The following BCL6 variants were observed in gnomAD, a reference collection of about 807,000 sequenced individuals.
BCL6 encodes B-cell lymphoma 6 protein.
Under a neutral mutation model 59.5 loss-of-function variants are expected in BCL6, and 7 were observed. That is an observed-to-expected ratio of 0.12 (90% CI 0.07 to 0.22). The LOEUF is 0.22. BCL6 is among the 10% of genes least tolerant of loss of function. The pLI, the probability that BCL6 is intolerant of heterozygous loss-of-function variation, is 1.00. For missense variants in BCL6, 685 were observed against 939.4 expected (o/e 0.73, Z 3.54); for synonymous variants, 339 against 349.7 (o/e 0.97, Z 0.34).
At chr3:187,733,494 C>A in intron 3 of BCL6, 39 bp downstream of exon 3, 1 of 1,604,088 alleles carries the variant, frequency 6.2e-7, no homozygotes, top group Non-Finnish European at 8.5e-7. Context: ...ACCATCACCC[C>A]ACTTTGACTT....
At chr3:187,730,215 A>T (rs769261699) in intron 4 of BCL6, among the ~76,000 whole-genome samples, 194 bp from the exon 5 acceptor site, 1 of 152,236 alleles carries the variant, frequency 6.6e-6, no homozygotes, top group Non-Finnish European at 1.5e-5. Context: ...AATTGGGAAG[A>T]CTGAGTCCCA....
At chr3:187,731,974 C>G (rs1337559827) in intron 3 of BCL6, 44 bp from the exon 4 acceptor site, 3 of 1,530,110 alleles carry the variant, frequency 2.0e-6, no homozygotes, top group Admixed American at 1.7e-5. Context: ...CATATCGAAT[C>G]TGTGATCCCT....
intron 5 of BCL6, among the ~76,000 whole-genome samples, chr3:187,728,773 A>T (rs1240453216): frequency 1.3e-5 from 2 of 152,168 alleles, no homozygotes; most frequent in Non-Finnish European, 2.9e-5. Context: ...TCTCAGTCCA[A>T]GGGTAGTAGG....
intron 6 of BCL6, 55 bp from the exon 7 acceptor site, chr3:187,726,953 C>T (rs970948875): frequency 1.3e-6 from 2 of 1,585,944 alleles, no homozygotes; most frequent in East Asian, 2.2e-5. Context: ...GGAGGTAGGG[C>T]TCTAAGGCCG....
At chr3:187,733,399 A>T in intron 3 of BCL6, 134 bp downstream of exon 3, 1 of 1,040,996 alleles carries the variant, frequency 9.6e-7, no homozygotes, top group Non-Finnish European at 1.4e-6. Flanking sequence ...GTGCCACGCC[A>T]TGGTGCTGAG....
chr3:187,737,370 A>AGAGAGAGAGAGAGAGAGG (rs1719333348), intron 1 of BCL6: 2 of 145,778 alleles, frequency 1.4e-5, no homozygotes, highest in South Asian at 4.3e-4. Context: ...AGAGAGAGAG[A>AGAGAGAGAGAGAGAGAGG]GAGAGAGAGA....
rs915217248 is a variant in BCL6 at position 187,721,885 on chromosome 3, C to A, written c.*573G>T. On this transcript the variant is annotated 3_prime_UTR_variant, in exon 10 of 10. Transcript: ENST00000406870. The surrounding 1 kb of genome is among the most constrained non-coding windows in gnomAD (Gnocchi z 4.2). The stretch of plus-strand genomic sequence containing the variant: ...AGATTCTCAGATCCGTGTCTGCCTG[C>A]AGATACAAAATCGAGCCTTTAACGC... 4.7e-6 allele frequency: 1 copy of A among 213,552 alleles called. No individual in the cohort carries two copies. Among genetic ancestry groups the A allele is most frequent in the Non-Finnish European group, 9.4e-6 (1 of 106,096 alleles). 13.2% of individuals were successfully genotyped at this position (213,552 alleles called of 1,614,324 possible).
At chr3:187,739,788 C>T (rs1218651539) in intron 1 of BCL6, among the ~76,000 whole-genome samples, 1 of 152,064 alleles carries the variant, frequency 6.6e-6, no homozygotes, top group African/African-American at 2.4e-5. Context: ...TCAGCCTTTG[C>T]AAAAAGGCTG....
At chr3:187,743,355 G>A (rs935793753) in intron 1 of BCL6, among the ~76,000 whole-genome samples, 1 of 151,866 alleles carries the variant, frequency 6.6e-6, no homozygotes, top group Non-Finnish European at 1.5e-5. Context: ...CGGGGAGGGG[G>A]CGCGGAGTGG....
At chr3:187,742,804 C>T (rs900499237) in intron 1 of BCL6, among the ~76,000 whole-genome samples, 1 of 152,046 alleles carries the variant, frequency 6.6e-6, no homozygotes, top group Non-Finnish European at 1.5e-5. Context: ...ATCTTTTCGT[C>T]TTTTTTAAAA....
rs1393026413 is a variant in BCL6, at chr3:187,732,003, T to C, written c.162-73A>G. ...GATCCCTTACAGTCAGCACTGATAC[T>C]CAGCCCCTTTCCCCTGGGCCTACCT... On this transcript the variant is annotated intron_variant, in intron 3 of 9. Coordinates refer to ENST00000406870, the MANE Select transcript of BCL6 (RefSeq NM_001706.5). The C allele has an allele frequency of 3.9e-6, 5 of 1,297,150 alleles. No individual in the cohort carries two copies. The African/African-American group carries it at 7.4e-5, about 19-fold the overall frequency. The allele number at this position is 1,297,150 out of a possible 1,614,324, so 80.4% of individuals were successfully genotyped here.
intron 1 of BCL6, among the ~76,000 whole-genome samples, chr3:187,740,130 C>T (rs1468098806): frequency 6.6e-6 from 1 of 152,198 alleles, no homozygotes; most frequent in Non-Finnish European, 1.5e-5. Flanking sequence ...AGCATGCGGA[C>T]GCGCGTTTGC....
intron 7 of BCL6, 76 bp downstream of exon 7, chr3:187,726,655 A>G (rs1718711882): frequency 1.3e-6 from 2 of 1,558,526 alleles, no homozygotes. Flanking sequence ...GGCCCCACAC[A>G]GCTTTCTCTA....
chr3:187,744,779 G>C (rs546894798), intron 1 of BCL6, among the ~76,000 whole-genome samples: 5 of 151,646 alleles, frequency 3.3e-5, no homozygotes, highest in Middle Eastern at 3.4e-3. Context: ...AGGAAAAAGA[G>C]GAGGGAGGGA....
intron 2 of BCL6, among the ~76,000 whole-genome samples, chr3:187,734,009 T>G (rs1366745259): frequency 6.6e-6 from 1 of 152,136 alleles, no homozygotes; most frequent in African/African-American, 2.4e-5. Context: ...AGGTAGTGAG[T>G]ATGTTGCAAT....
At chr3:187,744,825 T>C (rs527315045) in intron 1 of BCL6, among the ~76,000 whole-genome samples, 6 of 152,034 alleles carry the variant, frequency 3.9e-5, no homozygotes, top group East Asian at 1.9e-4. Flanking sequence ...AGGAAAGCAG[T>C]TTGCAAGCGA....
At chr3:187,744,282 G>C (rs1711763819) in intron 1 of BCL6, among the ~76,000 whole-genome samples, 4 of 152,104 alleles carry the variant, frequency 2.6e-5, no homozygotes, top group East Asian at 1.9e-4. Context: ...GAGTCCCCCC[G>C]CACACTGAAA....
At chr3:187,731,018 G>T (rs1446834804) in intron 4 of BCL6, among the ~76,000 whole-genome samples, 1 of 152,164 alleles carries the variant, frequency 6.6e-6, no homozygotes, top group Non-Finnish European at 1.5e-5. Flanking sequence ...TGGATCAAAA[G>T]GTTCTAAAGA....
At chr3:187,739,364 G>C (rs1261740466) in intron 1 of BCL6, among the ~76,000 whole-genome samples, 1 of 152,228 alleles carries the variant, frequency 6.6e-6, no homozygotes, top group African/African-American at 2.4e-5. Context: ...ACCGTGGTCC[G>C]GCGGCAGGGG....
Sources: gnomAD v4.1 joint callset for allele counts (sites outside exome capture counted in the v4.1 genomes callset) on GRCh38, gnomAD v4.1.1 for gene constraint, Gnocchi (gnomAD v3.1) non-coding constraint, MANE v1.5 for transcripts, NCBI Gene and HGNC (gene_info 2026-07-23, HGNC 2026-07-21) for gene names.